TASOR2: variants seen among roughly 807,000 people sequenced by gnomAD.
TASOR2 encodes the protein protein TASOR 2.
TASOR2 carries 84 observed loss-of-function variants against 199.5 expected under a neutral mutation model. The observed-to-expected ratio is 0.42, with a 90% CI of 0.35 to 0.50. The LOEUF (loss-of-function observed/expected upper bound fraction) is 0.50, where lower values mean the gene tolerates loss of function less well. Among genes scored for constraint, TASOR2 ranks in the 20% least tolerant of loss-of-function variants. TASOR2 has a pLI of 0.02. For synonymous variants in TASOR2, 1,103 were observed against 1,046.6 expected (o/e 1.05, Z -1.04); for missense variants, 2,796 against 2,835.9 (o/e 0.99, Z 0.32).
rs373738947 is a variant in TASOR2, at chr10:5,748,592, A to G, written c.5171A>G (p.Lys1724Arg). The G allele has an allele frequency of 9.3e-6, 15 of 1,613,780 alleles. No individual in the cohort carries two copies. Among genetic ancestry groups the G allele is most frequent in the Non-Finnish European group, 1.2e-5 (14 of 1,180,046 alleles). ...CAGTCCAACACCACATCTTCTCTAA[A>G]AGGTGAACGCAAAGCCATCCACACG... The change falls in exon 15 of 21, where the codon AAA becomes AGA. Residue 1724 changes from lysine (K) to arginine (R), a missense_variant. Around this residue, in one of 3 missense-constraint regions of TASOR2, gnomAD observed 1,941 missense variants for 1,924.9 expected, o/e 1.01. Transcript: ENST00000328090. The surrounding 1 kb of genome is among the most constrained non-coding windows in gnomAD (Gnocchi z 5.1).
chr10:5,692,631 G>C (rs1836579783), intron 1 of TASOR2, among the ~76,000 whole-genome samples: 1 of 152,100 alleles, frequency 6.6e-6, no homozygotes, highest in Non-Finnish European at 1.5e-5. Flanking sequence ...GAGTGTGCGG[G>C]GATCTCCCAG....
chr10:5,730,691 A>G lies in TASOR2; in HGVS notation c.692A>G (p.Lys231Arg). The G allele has an allele frequency of 6.2e-7, 1 of 1,614,222 alleles. No individual in the cohort carries two copies. The highest frequency in any genetic ancestry group is 1.1e-5 in the South Asian group (1 of 91,082). Residue 231 changes from lysine (K) to arginine (R), a missense_variant, in exon 11 of 21, where the codon AAA (lysine) becomes AGA (arginine). This residue lies in a region of TASOR2 where 847 missense variants were observed against 887.4 expected (regional missense o/e 0.95). Transcript: ENST00000328090. The surrounding 1 kb of genome is among the most constrained non-coding windows in gnomAD (Gnocchi z 4.1). ...AGTGTTGCTCCTCAGGATAGAATGA[A>G]AGACCCTACATTCTTGGGGAAACTG...
intron 10 of TASOR2, among the ~76,000 whole-genome samples, chr10:5,729,881 T>G (rs1329694480): frequency 1.7e-5 from 1 of 59,812 alleles, no homozygotes; most frequent in East Asian, 4.3e-4. Flanking sequence ...AAATTAGCAC[T>G]TCAGTCAAAG....
rs527945424 is a variant in TASOR2, at chr10:5,684,977, G to A, written c.-486G>A. 4.9e-4 allele frequency: 196 copies of A among 397,758 alleles called. 2 individuals are homozygous for A. Among genetic ancestry groups the A allele is most frequent in the African/African-American group, 3.8e-3 (185 of 48,700 alleles). The allele number at this position is 397,758 out of a possible 1,614,324, so 24.6% of individuals were successfully genotyped here. ...CGCGGCGTCCCTGTCAGCGCCCGCG[G>A]CGAGGACCCCGGGGCTGGGGCGGAC... is the stretch of plus-strand genomic sequence containing the variant. On this transcript the variant is annotated 5_prime_UTR_variant, in exon 1 of 21. Coordinates refer to ENST00000328090, the Ensembl canonical transcript of TASOR2.
chr10:5,733,538 T>G (rs974251681), intron 11 of TASOR2, among the ~76,000 whole-genome samples: 5 of 152,192 alleles, frequency 3.3e-5, no homozygotes, highest in Admixed American at 1.3e-4. Flanking sequence ...ACATTGAATT[T>G]ATTTTACAAC....
chr10:5,697,534 G>A (rs183045748), intron 1 of TASOR2, among the ~76,000 whole-genome samples: 9 of 152,282 alleles, frequency 5.9e-5, no homozygotes, highest in Non-Finnish European at 1.2e-4. Flanking sequence ...GGGCATGGGG[G>A]AGGCAGAGAT....
At chr10:5,694,569 A>G (rs188491733) in intron 1 of TASOR2, among the ~76,000 whole-genome samples, 2 of 152,220 alleles carry the variant, frequency 1.3e-5, no homozygotes, top group African/African-American at 4.8e-5. Flanking sequence ...AAGATATGGT[A>G]TATTACACAT....
Position 5,740,048 on chromosome 10 carries a change from C to G in TASOR2, c.1878C>G (p.Ala626=). ...AAAGCTTGGTTCCTTGTAGTCAGGC[C>G]CCTGCTAAAGCCCAGTCAGCACTTA... The change falls in exon 13 of 21, where the codon GCC becomes GCG. Residue 626 remains alanine, a synonymous_variant. Coordinates refer to ENST00000328090, the Ensembl canonical transcript of TASOR2. This position sits in a 1 kb window ranked among gnomAD's most constrained non-coding sequence, Gnocchi z 5.3. 1 of 1,613,980 alleles carries G rather than the reference C, an allele frequency of 6.2e-7. No individual in the cohort carries two copies. The highest frequency in any genetic ancestry group is 8.5e-7 in the Non-Finnish European group (1 of 1,180,030).
chr10:5,748,358 C>T lies in TASOR2; in HGVS notation c.4937C>T (p.Ser1646Phe). 3 of 1,614,254 alleles carry T rather than the reference C, an allele frequency of 1.9e-6. No individual in the cohort carries two copies. The highest frequency in any genetic ancestry group is 1.1e-5 in the South Asian group (1 of 91,086). The stretch of plus-strand genomic sequence containing the variant: ...GCTGCCTCGGTTGATGGAGCTTATT[C>T]TACACAGGGATGCATGTGCTCAGTG... Residue 1646 changes from serine to phenylalanine, a missense_variant, in exon 15 of 21, where the codon TCT becomes TTT. Physicochemically the swap from Ser to Phe is radical, Grantham distance 155. Coordinates refer to ENST00000328090, the Ensembl canonical transcript of TASOR2. This position sits in a 1 kb window ranked among gnomAD's most constrained non-coding sequence, Gnocchi z 5.1.
exon 15 of TASOR2, chr10:5,747,816 T>G (rs749428504): frequency 6.2e-7 from 1 of 1,613,868 alleles, no homozygotes; most frequent in Non-Finnish European, 8.5e-7. Flanking sequence ...TGGGGCAAGA[T>G]AACTTTACCC....
intron 14 of TASOR2, chr10:5,743,985 CA>C (rs1402902194): frequency 6.6e-6 from 1 of 152,194 alleles, no homozygotes; most frequent in East Asian, 1.9e-4. Context: ...CACTAGAAAC[CA>C]AAAGCATGTT....
At position 5,730,410 on chromosome 10, in the gene TASOR2, C is replaced by A. The variant is rs973521430; in HGVS notation, c.488-77C>A. On this transcript the variant is annotated intron_variant, in intron 10 of 20. Transcript: ENST00000328090. This position sits in a 1 kb window ranked among gnomAD's most constrained non-coding sequence, Gnocchi z 4.1. Reference sequence around the variant, plus strand: ...TTTAACCATCACATAATTTTGAAATCTAAAGCTTTTTTTTCCAGAATGTTT... The same window carrying A: ...TTTAACCATCACATAATTTTGAAATATAAAGCTTTTTTTTCCAGAATGTTT... 2.5e-6 allele frequency: 3 copies of A among 1,182,774 alleles called. No individual in the cohort carries two copies. In the Admixed American group the frequency reaches 7.2e-5, roughly 28 times the overall value. 73.3% of individuals were successfully genotyped at this position (1,182,774 alleles called of 1,614,324 possible).
intron 11 of TASOR2, 95 bp downstream of exon 12, chr10:5,731,298 G>A: frequency 8.5e-7 from 1 of 1,181,242 alleles, no homozygotes. Context: ...GGGAAACCAA[G>A]TGGGTGGATC....
exon 15 of TASOR2, chr10:5,749,316 G>A: frequency 6.2e-7 from 1 of 1,614,222 alleles, no homozygotes; most frequent in East Asian, 2.2e-5. Flanking sequence ...GCACTTGGCA[G>A]GTGGCAGACG....
chr10:5,729,891 G>GCATGGCCC (rs71388474), intron 10 of TASOR2, among the ~76,000 whole-genome samples: 40 of 151,466 alleles, frequency 2.6e-4, no homozygotes, highest in Middle Eastern at 3.4e-3. Flanking sequence ...TTCAGTCAAA[G>GCATGGCCC]CAGGAGAGGA....
intron 1 of TASOR2, among the ~76,000 whole-genome samples, chr10:5,691,814 A>G (rs761994703): frequency 6.6e-6 from 1 of 152,158 alleles, no homozygotes; most frequent in Non-Finnish European, 1.5e-5. Flanking sequence ...TGCATGGCTT[A>G]TTGGGAAGGG....
chr10:5,742,598 A>G lies in TASOR2; in HGVS notation c.2757+72A>G. On this transcript the variant is annotated intron_variant, in intron 14 of 20. Coordinates refer to ENST00000328090, the Ensembl canonical transcript of TASOR2. This position sits in a 1 kb window ranked among gnomAD's most constrained non-coding sequence, Gnocchi z 4.2. The stretch of plus-strand genomic sequence containing the variant: ...AAAAAATGTTTATATGTAAAATCAC[A>G]TTCAAAACAAGGCATTTTTAAATTT... 1.4e-6 allele frequency: 2 copies of G among 1,406,014 alleles called. No individual in the cohort carries two copies. The highest frequency in any genetic ancestry group is 2.3e-5 in the Admixed American group (1 of 44,104). 87.1% of individuals were successfully genotyped at this position (1,406,014 alleles called of 1,614,324 possible). A position where few individuals can be genotyped will look rare whatever the true frequency, so the allele number is the denominator to read the frequency against.
At chr10:5,724,738 A>G (rs1588736096) in intron 8 of TASOR2, among the ~76,000 whole-genome samples, 1 of 150,654 alleles carries the variant, frequency 6.6e-6, no homozygotes, top group East Asian at 1.9e-4. Flanking sequence ...ATTTATTTAT[A>G]TATTATTAAT....
At chr10:5,704,720 G>A (rs1032264907) in intron 1 of TASOR2, among the ~76,000 whole-genome samples, 32 of 151,738 alleles carry the variant, frequency 2.1e-4, no homozygotes, top group African/African-American at 7.3e-4. Flanking sequence ...TTTTTCTTTT[G>A]TAGTGTATAC....
Sources: allele counts gnomAD v4.1 joint callset (sites outside exome capture counted in the v4.1 genomes callset), GRCh38; gene constraint gnomAD v4.1.1; regional missense constraint gnomAD v4.1.1; non-coding constraint Gnocchi (gnomAD v3.1); transcripts MANE v1.5; gene names NCBI Gene and HGNC (gene_info 2026-07-23, HGNC 2026-07-21).